Variants in EYS observed in about 807,000 individuals in gnomAD.
EYS encodes the protein EGF-like photoreceptor maintenance factor.
EYS carries 250 observed loss-of-function variants against 282.1 expected under a neutral mutation model. The observed-to-expected ratio is 0.89, with a 90% CI of 0.80 to 0.98. The LOEUF (loss-of-function observed/expected upper bound fraction) is 0.98. Ranked by LOEUF, EYS falls within the 50% of genes least tolerant of loss-of-function variation. The pLI, the probability that EYS is intolerant of heterozygous loss-of-function variation, is 0.00. For synonymous variants in EYS, 1,355 were observed against 1,282.9 expected, an observed-to-expected ratio of 1.06 and a Z score of -1.20; for missense variants, 4,016 against 3,709.0, an observed-to-expected ratio of 1.08 and a Z score of -2.15.
At chr6:64,392,579 T>G (rs1022247220) in intron 28 of EYS, among the ~76,000 whole-genome samples, 2 of 151,598 alleles carry the variant, frequency 1.3e-5, no homozygotes, top group Non-Finnish European at 1.5e-5. Context: ...TTGAAACCAA[T>G]GAGAACAAAG....
chr6:64,786,719 C>T (rs1374971943), intron 22 of EYS, among the ~76,000 whole-genome samples: 2 of 152,180 alleles, frequency 1.3e-5, no homozygotes, highest in Admixed American at 6.5e-5. Flanking sequence ...ATCTTACACC[C>T]TTCTTTAAAA....
rs1286689848 is a variant in EYS, at chr6:64,550,666, A to C, written c.5644+39557T>G. 2.0e-5 allele frequency among the ~76,000 whole-genome samples: 3 copies of C among 152,328 alleles called. No homozygotes were observed. In the South Asian group the frequency reaches 6.2e-4, roughly 32 times the overall value. Reference sequence around the variant, plus strand: ...TATTCAATTAGGAAAAGAGGAAGTCAAATTGTCCCTGTTTTCAGATGACAT... The same window carrying C: ...TATTCAATTAGGAAAAGAGGAAGTCCAATTGTCCCTGTTTTCAGATGACAT... On this transcript the variant is annotated intron_variant, in intron 26 of 42. Transcript: ENST00000503581.
intron 29 of EYS, among the ~76,000 whole-genome samples, chr6:64,344,747 G>T (rs2150399114): frequency 6.6e-6 from 1 of 152,172 alleles, no homozygotes; most frequent in South Asian, 2.1e-4. Context: ...TAGGAAAAGA[G>T]GAAGTCAAAT....
chr6:65,346,094 G>C (rs971361681), intron 9 of EYS, among the ~76,000 whole-genome samples: 5 of 151,724 alleles, frequency 3.3e-5, no homozygotes, highest in African/African-American at 1.2e-4. Context: ...AATCTCAGGA[G>C]CGCCTGCCTT....
chr6:64,842,930 A>C (rs1367630584), intron 19 of EYS, among the ~76,000 whole-genome samples: 1 of 152,126 alleles, frequency 6.6e-6, no homozygotes, highest in African/African-American at 2.4e-5. Context: ...GGCTGCAAAA[A>C]ATTTGCATAA....
chr6:64,707,146 A>T (rs1771049766), intron 22 of EYS, among the ~76,000 whole-genome samples: 1 of 151,788 alleles, frequency 6.6e-6, no homozygotes, highest in Admixed American at 6.6e-5. Flanking sequence ...TATATGTGTC[A>T]TGGAATACAA....
At chr6:65,236,148 C>T (rs1457056629) in intron 12 of EYS, among the ~76,000 whole-genome samples, 1 of 151,826 alleles carries the variant, frequency 6.6e-6, no homozygotes, top group Non-Finnish European at 1.5e-5. Flanking sequence ...ATTAATTACT[C>T]TTTAAAGGGA....
At position 63,721,148 on chromosome 6, in the gene EYS, A is replaced by G; in HGVS notation, c.8883T>C (p.Gly2961=). 1 of 1,551,538 alleles carries G rather than the reference A, an allele frequency of 6.4e-7. No individual in the cohort carries two copies. The highest frequency in any genetic ancestry group is 1.2e-5 in the South Asian group (1 of 84,060). ...GATCAATGTATTTAATGTAAGAATT[A>G]CCCATAAATTTTGCAGTTGAAAATG... The part of the protein sequence containing the change: ...KTSFSTAKFM[G]NSYIKYIDPN... The change falls in exon 43 of 43, where the codon GGT becomes GGC. Residue 2961 remains glycine, a synonymous_variant. Transcript: ENST00000503581.
At chr6:63,811,499 T>A (rs938115656) in intron 36 of EYS, among the ~76,000 whole-genome samples, 17 of 152,194 alleles carry the variant, frequency 1.1e-4, no homozygotes, top group African/African-American at 3.6e-4. Flanking sequence ...CCTTAATGAC[T>A]GCTGCTCCTC....
rs1375567691 is a variant in EYS, at chr6:64,416,322, T to A, written c.5927+19852A>T. ...CCTAAACTCAGATATAAAATTCTGATGCTTAAAGTAATTCTCATCCTGGTG... is the reference window on the plus strand; with the variant it reads ...CCTAAACTCAGATATAAAATTCTGAAGCTTAAAGTAATTCTCATCCTGGTG... On this transcript the variant is annotated intron_variant, in intron 28 of 42. Transcript: ENST00000503581. Among the ~76,000 whole-genome samples the A allele has an allele frequency of 2.0e-5, 3 of 152,194 alleles. No individual in the cohort carries two copies. In the East Asian group the frequency reaches 5.8e-4, roughly 29 times the overall value.
intron 29 of EYS, among the ~76,000 whole-genome samples, chr6:64,343,541 G>C (rs1007489292): frequency 1.3e-5 from 2 of 151,946 alleles, no homozygotes; most frequent in African/African-American, 4.8e-5. Context: ...CAGAATCTCT[G>C]GGACACATTC....
intron 22 of EYS, among the ~76,000 whole-genome samples, chr6:64,721,632 CATTTTTCTGAAA>C (rs1276055770): frequency 2.0e-5 from 3 of 152,022 alleles, no homozygotes; most frequent in Non-Finnish European, 4.4e-5. Context: ...TCTACTCTGT[CATTTTTCTGAAA>C]ATGAGGGAAA....
chr6:64,670,463 T>C (rs923003653), intron 22 of EYS, among the ~76,000 whole-genome samples: 2 of 151,414 alleles, frequency 1.3e-5, no homozygotes, highest in African/African-American at 4.9e-5. Context: ...AAAACGTTAA[T>C]AGCACTAGAA....
intron 19 of EYS, among the ~76,000 whole-genome samples, chr6:64,831,608 A>T (rs905410133): frequency 1.3e-5 from 2 of 151,828 alleles, no homozygotes; most frequent in Non-Finnish European, 2.9e-5. Flanking sequence ...TTTAAATCTT[A>T]TTTCTCCTTA....
chr6:63,887,686 C>T (rs951621374), intron 35 of EYS, among the ~76,000 whole-genome samples: 1 of 152,182 alleles, frequency 6.6e-6, no homozygotes, highest in Non-Finnish European at 1.5e-5. Flanking sequence ...CCCTCGGGTG[C>T]CCACGTCACC....
rs545019545 is a variant in EYS, at chr6:64,439,318, A to G, written c.5679T>C (p.Tyr1893=). The G allele has an allele frequency of 3.3e-6, 5 of 1,515,698 alleles. No individual in the cohort carries two copies. Among genetic ancestry groups the G allele is most frequent in the Admixed American group, 4.6e-5 (2 of 43,100 alleles). The allele number at this position is 1,515,698 out of a possible 1,614,324, so 93.9% of individuals were successfully genotyped here. A position where few individuals can be genotyped will look rare whatever the true frequency, so the allele number is the denominator to read the frequency against. ...FSCVRYYGDS[Y]LEFQNVALNP... is the part of the protein sequence containing the mutation. ...TTAAAGCCACATTCTGAAATTCTAGATAAGAATCTCCATAATAACGAACAC... is the reference window on the plus strand; with the variant it reads ...TTAAAGCCACATTCTGAAATTCTAGGTAAGAATCTCCATAATAACGAACAC... The change falls in exon 27 of 43, where the codon TAT becomes TAC. Residue 1893 remains tyrosine, a synonymous_variant. Coordinates refer to ENST00000503581, the MANE Select transcript of EYS (RefSeq NM_001142800.2).
At chr6:65,259,940 G>A (rs774427975) in intron 12 of EYS, among the ~76,000 whole-genome samples, 1 of 152,082 alleles carries the variant, frequency 6.6e-6, no homozygotes, top group Non-Finnish European at 1.5e-5. Context: ...AGTGGTTGGA[G>A]AGTAGAATCT....
intron 33 of EYS, among the ~76,000 whole-genome samples, chr6:64,055,694 T>G (rs1014374463): frequency 6.6e-6 from 1 of 152,178 alleles, no homozygotes; most frequent in African/African-American, 2.4e-5. Flanking sequence ...AATTAGAATT[T>G]TGTGGTTTTG....
intron 15 of EYS, among the ~76,000 whole-genome samples, chr6:64,945,326 A>G (rs560006897): frequency 6.6e-6 from 1 of 152,128 alleles, no homozygotes; most frequent in Non-Finnish European, 1.5e-5. Context: ...TAATTAATAC[A>G]ATTGAATTAT....
Sources: allele counts gnomAD v4.1 joint callset (sites outside exome capture counted in the v4.1 genomes callset), GRCh38; gene constraint gnomAD v4.1.1; transcripts MANE v1.5; gene names NCBI Gene and HGNC (gene_info 2026-07-23, HGNC 2026-07-21).